SYNJ1: variants seen among roughly 807,000 people sequenced by gnomAD.
SYNJ1 encodes the protein synaptojanin 1.
Under a neutral mutation model 168.2 loss-of-function variants are expected in SYNJ1, and 78 were observed. That is an observed-to-expected ratio of 0.46 (90% CI 0.39 to 0.56). The LOEUF is 0.56. SYNJ1 is among the 20% of genes least tolerant of loss of function. The probability of loss-of-function intolerance (pLI) is 0.00; values close to 1 mark genes in which losing one functional copy is unlikely to be tolerated. For missense variants in SYNJ1, 1,303 were observed against 1,597.6 expected (o/e 0.82, Z 3.14); for synonymous variants, 539 against 548.6 (o/e 0.98, Z 0.24).
chr21:32,648,146 C>CT (rs1287011944), intron 23 of SYNJ1, among the ~76,000 whole-genome samples: 1 of 152,176 alleles, frequency 6.6e-6, no homozygotes, highest in Non-Finnish European at 1.5e-5. Context: ...ACTATTCTGC[C>CT]TTGCCCTTCC....
intron 2 of SYNJ1, among the ~76,000 whole-genome samples, chr21:32,721,043 C>T (rs2043201622): frequency 6.6e-6 from 1 of 152,176 alleles, no homozygotes; most frequent in Non-Finnish European, 1.5e-5. Context: ...GTACACAAAG[C>T]TGAGAGACAT....
chr21:32,685,425 CAAAAAAAAA>C (rs57470866), intron 9 of SYNJ1, among the ~76,000 whole-genome samples: 1 of 67,236 alleles, frequency 1.5e-5, no homozygotes, highest in Admixed American at 1.9e-4. Flanking sequence ...CCGTCTCTAC[CAAAAAAAAA>C]AAAAAAAAAA....
chr21:32,696,480 C>T (rs768928468), intron 4 of SYNJ1, among the ~76,000 whole-genome samples: 4 of 152,268 alleles, frequency 2.6e-5, no homozygotes, highest in Non-Finnish European at 5.9e-5. Context: ...TCTCCTGGAA[C>T]CTTAGACCTC....
intron 18 of SYNJ1, among the ~76,000 whole-genome samples, chr21:32,659,182 CAAAAG>C (rs1423459491): frequency 1.4e-5 from 2 of 143,232 alleles, no homozygotes; most frequent in East Asian, 2.1e-4. Flanking sequence ...GACATAGAAA[CAAAAG>C]AAAAGTCAAT....
chr21:32,699,049 C>T (rs1324199483), intron 4 of SYNJ1, among the ~76,000 whole-genome samples: 1 of 152,186 alleles, frequency 6.6e-6, no homozygotes, highest in African/African-American at 2.4e-5. Context: ...AATAAACCGA[C>T]ATTGGCTGCC....
At chr21:32,639,403 G>T (rs576146021) in intron 30 of SYNJ1, among the ~76,000 whole-genome samples, 1 of 152,016 alleles carries the variant, frequency 6.6e-6, no homozygotes, top group Non-Finnish European at 1.5e-5. Context: ...AAAAATTTTT[G>T]ATTTTTGAGA....
chr21:32,697,327 G>T (rs144322170), intron 4 of SYNJ1, among the ~76,000 whole-genome samples: 1 of 152,036 alleles, frequency 6.6e-6, no homozygotes, highest in Non-Finnish European at 1.5e-5. Flanking sequence ...AAAAGTTCCC[G>T]TTTTTCTATA....
intron 17 of SYNJ1, 146 bp from the exon 18 acceptor site, chr21:32,665,217 A>C: frequency 1.2e-6 from 1 of 801,730 alleles, no homozygotes; most frequent in Non-Finnish European, 1.8e-6. Context: ...AAACGAAAAT[A>C]AATCTCAGGA....
At position 32,630,977 on chromosome 21, in the gene SYNJ1, G is replaced by A; in HGVS notation, c.*828C>T. ...ATCCTGCCAAAAGCAAGTACCCACT[G>A]TTTTCTATTGCATGGCGTTATCTTT... On this transcript the variant is annotated 3_prime_UTR_variant, in exon 33 of 33. Coordinates refer to ENST00000674351, the MANE Select transcript of SYNJ1 (RefSeq NM_203446.3). The A allele has an allele frequency of 6.3e-7, 1 of 1,598,950 alleles. No homozygotes were observed. Among genetic ancestry groups the A allele is most frequent in the South Asian group, 1.1e-5 (1 of 89,410 alleles).
At chr21:32,645,168 T>G (rs777971855) in intron 25 of SYNJ1, among the ~76,000 whole-genome samples, 162 bp from the exon 26 acceptor site, 5 of 152,346 alleles carry the variant, frequency 3.3e-5, no homozygotes, top group Non-Finnish European at 5.9e-5. Flanking sequence ...TGCTTATAAT[T>G]GAAGTAACAG....
chr21:32,678,851 T>C (rs1165067897), intron 11 of SYNJ1, 50 bp from the exon 12 acceptor site: 5 of 1,577,412 alleles, frequency 3.2e-6, no homozygotes, highest in Non-Finnish European at 4.3e-6. Flanking sequence ...TAAATATTAC[T>C]GATTTTACTC....
At chr21:32,640,849 AGGATC>A (rs1268253318) in intron 29 of SYNJ1, among the ~76,000 whole-genome samples, 1 of 152,214 alleles carries the variant, frequency 6.6e-6, no homozygotes, top group East Asian at 1.9e-4. Context: ...TGTTTGCTGA[AGGATC>A]TAAGCTAACA....
At chr21:32,716,615 G>A (rs1003954522) in intron 2 of SYNJ1, among the ~76,000 whole-genome samples, 4 of 152,186 alleles carry the variant, frequency 2.6e-5, no homozygotes, top group African/African-American at 9.7e-5. Flanking sequence ...ACAGTAACTT[G>A]ATCATGTATT....
chr21:32,683,930 C>T (rs763875741), intron 10 of SYNJ1, 108 bp downstream of exon 10: 7 of 909,408 alleles, frequency 7.7e-6, no homozygotes, highest in African/African-American at 1.7e-5. Flanking sequence ...CAAAATGAAG[C>T]ATAACATTAC....
At chr21:32,646,806 G>A (rs1214168337) in intron 23 of SYNJ1, among the ~76,000 whole-genome samples, 2 of 152,160 alleles carry the variant, frequency 1.3e-5, no homozygotes, top group African/African-American at 2.4e-5. Context: ...GGTATCTATT[G>A]TCTCTGAGCA....
At chr21:32,672,306 T>C (rs2041235223) in intron 14 of SYNJ1, among the ~76,000 whole-genome samples, 1 of 152,098 alleles carries the variant, frequency 6.6e-6, no homozygotes, top group Non-Finnish European at 1.5e-5. Context: ...ATTAAGTTCA[T>C]GATTCTAATC....
At chr21:32,679,461 T>A (rs1301968785) in intron 11 of SYNJ1, among the ~76,000 whole-genome samples, 1 of 152,182 alleles carries the variant, frequency 6.6e-6, no homozygotes, top group Non-Finnish European at 1.5e-5. Context: ...ATAGTGAGAT[T>A]TGATTATAAC....
chr21:32,728,162 TCA>T (rs2043566875), upstream of SYNJ1: 1 of 1,218,226 alleles, frequency 8.2e-7, no homozygotes, highest in South Asian at 1.6e-5. Context: ...GGCCCCAGCC[TCA>T]GTCTCCAGCT....
In SYNJ1 at chr21:32,658,171, T is replaced by C. The variant is rs141609877; in HGVS notation, c.2305-299A>G. On this transcript the variant is annotated intron_variant, in intron 18 of 32. Transcript: ENST00000674351. ...GTTACCACAGCCCCAAATGAGAACT[T>C]ATATCCCTGTTTTCTCGCTCGAATG... Among the ~76,000 whole-genome samples, 69 of 152,176 alleles carry C rather than the reference T, an allele frequency of 4.5e-4. No individual in the cohort carries two copies. In the East Asian group the frequency reaches 0.011, roughly 25 times the overall value.
Sources: gnomAD v4.1 joint callset for allele counts (sites outside exome capture counted in the v4.1 genomes callset) on GRCh38, gnomAD v4.1.1 for gene constraint, MANE v1.5 for transcripts, NCBI Gene and HGNC (gene_info 2026-07-23, HGNC 2026-07-21) for gene names.